Variants in NFIA observed in about 807,000 individuals in gnomAD.
The protein encoded by NFIA is nuclear factor I A, also known as nuclear factor 1 A-type.
NFIA carries 8 observed loss-of-function variants against 62.8 expected under a neutral mutation model. That is an observed-to-expected ratio of 0.13 (90% confidence interval 0.07 to 0.23). The LOEUF (loss-of-function observed/expected upper bound fraction) is 0.23, where lower values mean the gene tolerates loss of function less well. Ranked by LOEUF, NFIA falls within the 10% of genes least tolerant of loss-of-function variation. NFIA has a pLI of 1.00. For synonymous variants in NFIA, 235 were observed against 238.1 expected (o/e 0.99, Z 0.12); for missense variants, 410 against 642.1 (o/e 0.64, Z 3.91).
intron 10 of NFIA, among the ~76,000 whole-genome samples, chr1:61,453,990 A>T (rs1405309230): frequency 1.3e-5 from 2 of 152,160 alleles, no homozygotes; most frequent in Non-Finnish European, 2.9e-5. Context: ...CTCCTCTGGA[A>T]ATCAAAGGTG....
chr1:61,252,109 A>C (rs556860336), intron 2 of NFIA, among the ~76,000 whole-genome samples: 1 of 152,170 alleles, frequency 6.6e-6, no homozygotes, highest in Non-Finnish European at 1.5e-5. Context: ...TCAAACATCA[A>C]TTCCTACTCA....
intron 2 of NFIA, among the ~76,000 whole-genome samples, chr1:61,246,984 C>T (rs532510035): frequency 6.6e-6 from 1 of 152,302 alleles, no homozygotes; most frequent in South Asian, 2.1e-4. Flanking sequence ...CCAAAATGAG[C>T]TCTGTCAGTC....
At chr1:61,180,020 C>T (rs558405454) in intron 2 of NFIA, among the ~76,000 whole-genome samples, 54 of 152,242 alleles carry the variant, frequency 3.5e-4, no homozygotes, top group African/African-American at 1.3e-3. Flanking sequence ...GAATTTGGCC[C>T]TCACACAGCT....
At chr1:61,202,179 A>C (rs533584181) in intron 2 of NFIA, among the ~76,000 whole-genome samples, 1 of 152,336 alleles carries the variant, frequency 6.6e-6, no homozygotes, top group Admixed American at 6.5e-5. Flanking sequence ...AGGGAATTAA[A>C]GCGTTATCTC....
At chr1:61,432,386 C>T (rs958414188) in intron 10 of NFIA, among the ~76,000 whole-genome samples, 8 of 151,966 alleles carry the variant, frequency 5.3e-5, no homozygotes, top group Non-Finnish European at 1.0e-4. Context: ...AGAAACACCT[C>T]CTCCTGGTGG....
intron 2 of NFIA, among the ~76,000 whole-genome samples, chr1:61,251,836 C>T (rs1243032551): frequency 6.6e-6 from 1 of 151,972 alleles, no homozygotes; most frequent in African/African-American, 2.4e-5. Flanking sequence ...AAATAGAGTT[C>T]AGAATTTGAA....
intron 4 of NFIA, among the ~76,000 whole-genome samples, chr1:61,334,743 T>C (rs1661510932): frequency 6.6e-6 from 1 of 151,610 alleles, no homozygotes; most frequent in Non-Finnish European, 1.5e-5. Flanking sequence ...CACTAGCCAT[T>C]TTATTCTGCC....
chr1:61,171,605 G>A lies in NFIA; in HGVS notation c.559+82925G>A, dbSNP rs1649970162. Reference sequence around the variant, plus strand: ...CCTTATTTAGGAAAGGTTTTTGGTAGGTCTTTCTTGAAGAAATGGAGAAAA... The same window carrying A: ...CCTTATTTAGGAAAGGTTTTTGGTAAGTCTTTCTTGAAGAAATGGAGAAAA... On this transcript the variant is annotated intron_variant, in intron 2 of 10. Coordinates refer to ENST00000403491, the MANE Select transcript of NFIA (RefSeq NM_001134673.4). 9.2e-5 allele frequency among the ~76,000 whole-genome samples: 14 copies of A among 152,280 alleles called. No homozygotes were observed. The South Asian group carries it at 2.9e-3, about 32-fold the overall frequency.
intron 2 of NFIA, among the ~76,000 whole-genome samples, chr1:61,185,159 G>A (rs1229259391): frequency 6.6e-6 from 1 of 152,156 alleles, no homozygotes; most frequent in Non-Finnish European, 1.5e-5. Context: ...CATGTGTTAA[G>A]TGAGTCAAAT....
chr1:61,264,109 A>G (rs1302731880), intron 2 of NFIA, among the ~76,000 whole-genome samples: 1 of 152,218 alleles, frequency 6.6e-6, no homozygotes, highest in African/African-American at 2.4e-5. Context: ...GTGATAACAA[A>G]TGTTTGAGGC....
intron 3 of NFIA, among the ~76,000 whole-genome samples, chr1:61,321,351 A>T (rs1462865633): frequency 6.6e-6 from 1 of 152,080 alleles, no homozygotes; most frequent in Non-Finnish European, 1.5e-5. Flanking sequence ...AGACTAATAA[A>T]TGCATAATTC....
chr1:61,195,758 C>G (rs1334470582), intron 2 of NFIA, among the ~76,000 whole-genome samples: 2 of 152,014 alleles, frequency 1.3e-5, no homozygotes, highest in African/African-American at 4.8e-5. Flanking sequence ...TTTTTAGAAC[C>G]ACAAGAAATA....
chr1:61,259,657 T>G (rs546343410), intron 2 of NFIA, among the ~76,000 whole-genome samples: 3 of 152,312 alleles, frequency 2.0e-5, no homozygotes, highest in Middle Eastern at 6.8e-3. Flanking sequence ...AAGACGGAGA[T>G]CTGTGCTGTA....
chr1:61,312,027 A>T (rs2100351084), intron 3 of NFIA, among the ~76,000 whole-genome samples: 1 of 152,294 alleles, frequency 6.6e-6, no homozygotes, highest in Non-Finnish European at 1.5e-5. Context: ...CTTTACTGGG[A>T]ACTGTGCTGG....
chr1:61,382,278 A>G (rs1234995700), intron 6 of NFIA, among the ~76,000 whole-genome samples: 1 of 152,192 alleles, frequency 6.6e-6, no homozygotes, highest in African/African-American at 2.4e-5. Context: ...CAGTAATTAC[A>G]AGGAACTGTT....
intron 3 of NFIA, among the ~76,000 whole-genome samples, chr1:61,285,153 CT>C (rs1452279874): frequency 1.3e-5 from 2 of 152,138 alleles, no homozygotes; most frequent in Non-Finnish European, 2.9e-5. Context: ...TGCCATTGCT[CT>C]GTTTTCCCTG....
intron 2 of NFIA, among the ~76,000 whole-genome samples, chr1:61,234,291 CG>C (rs773968636): frequency 6.7e-4 from 100 of 150,280 alleles, no homozygotes; most frequent in Non-Finnish European, 3.3e-4. Context: ...CGCTTGAACC[CG>C]GGAGGCGGAG....
At chr1:61,159,680 CTTT>C (rs11300026) in intron 2 of NFIA, among the ~76,000 whole-genome samples, 8 of 85,818 alleles carry the variant, frequency 9.3e-5, no homozygotes, top group Non-Finnish European at 7.6e-5. Flanking sequence ...AATGTAGATG[CTTT>C]TTTTTTTTTT....
chr1:61,311,700 A>G (rs997516008), intron 3 of NFIA, among the ~76,000 whole-genome samples: 2 of 152,184 alleles, frequency 1.3e-5, no homozygotes, highest in Admixed American at 1.3e-4. Flanking sequence ...TAAAAGAAGA[A>G]CTAACATATT....
Sources: gnomAD v4.1 joint callset for allele counts (sites outside exome capture counted in the v4.1 genomes callset) on GRCh38, gnomAD v4.1.1 for gene constraint, MANE v1.5 for transcripts, NCBI Gene and HGNC (gene_info 2026-07-23, HGNC 2026-07-21) for gene names.